IL21R: variants seen among roughly 807,000 people sequenced by gnomAD.
The protein encoded by IL21R is interleukin-21 receptor.
A neutral mutation model predicts 41.3 loss-of-function variants in IL21R; 14 were observed. That is an observed-to-expected ratio of 0.34 (90% confidence interval 0.22 to 0.53). The LOEUF is 0.53. IL21R is among the 20% of genes least tolerant of loss of function. The probability of loss-of-function intolerance (pLI) is 0.94; values close to 1 mark genes in which losing one functional copy is unlikely to be tolerated. For missense variants in IL21R, 588 were observed against 681.6 expected, an observed-to-expected ratio of 0.86 and a Z score of 1.53; for synonymous variants, 286 against 287.6, an observed-to-expected ratio of 0.99 and a Z score of 0.05.
rs755471412 is a variant in IL21R, at chr16:27,449,247, T to C, written c.1581T>C (p.Pro527=). The C allele has an allele frequency of 1.9e-6, 3 of 1,609,400 alleles. No individual in the cohort carries two copies. The highest frequency in any genetic ancestry group is 3.3e-5 in the Admixed American group (2 of 59,772). Residue 527 remains proline, a synonymous_variant, in exon 9 of 9, where the codon CCT becomes CCC. Coordinates refer to ENST00000337929, the MANE Select transcript of IL21R (RefSeq NM_181078.3). The stretch of plus-strand genomic sequence containing the variant: ...ACCTCCGCCAGTGGGTGGTCATTCC[T>C]CCGCCACTTTCGAGCCCTGGACCCC... ...RSYLRQWVVI[P]PPLSSPGPQA... is the part of the protein sequence containing the mutation.
At chr16:27,421,265 C>G (rs986510086) in intron 1 of IL21R, among the ~76,000 whole-genome samples, 1 of 137,782 alleles carries the variant, frequency 7.3e-6, no homozygotes, top group Non-Finnish European at 1.5e-5. Context: ...TGTTCTTTCT[C>G]AAAACCTTTT....
chr16:27,405,397 A>G (rs1313310285), intron 1 of IL21R, among the ~76,000 whole-genome samples: 3 of 152,184 alleles, frequency 2.0e-5, no homozygotes, highest in Non-Finnish European at 2.9e-5. Flanking sequence ...AAAAAAAATA[A>G]TAAATATTAT....
At chr16:27,420,742 T>C (rs1413739564) in intron 1 of IL21R, among the ~76,000 whole-genome samples, 5 of 152,258 alleles carry the variant, frequency 3.3e-5, no homozygotes, top group Admixed American at 2.6e-4. Flanking sequence ...ATGCTTTTTT[T>C]CCCATGCTGT....
At position 27,411,710 on chromosome 16, in the gene IL21R, C is replaced by T. The variant is rs146247042; in HGVS notation, c.-17+9092C>T. 2.5e-3 allele frequency among the ~76,000 whole-genome samples: 384 copies of T among 152,070 alleles called. 9 individuals are homozygous for T. In the East Asian group the frequency reaches 0.063, roughly 25 times the overall value. ...AACTCCTGACCTCAGGTGATTCGCCCGCCTCGGCCTCCCAAAATGCTGGGA... is the reference window on the plus strand; with the variant it reads ...AACTCCTGACCTCAGGTGATTCGCCTGCCTCGGCCTCCCAAAATGCTGGGA... On this transcript the variant is annotated intron_variant, in intron 1 of 8. Coordinates refer to ENST00000337929, the MANE Select transcript of IL21R (RefSeq NM_181078.3).
chr16:27,420,190 C>T (rs974123929), intron 1 of IL21R, among the ~76,000 whole-genome samples: 1 of 152,164 alleles, frequency 6.6e-6, no homozygotes, highest in Non-Finnish European at 1.5e-5. Flanking sequence ...GCACCTAGCC[C>T]TGCATATGCT....
chr16:27,409,402 T>C (rs992397023), intron 1 of IL21R, among the ~76,000 whole-genome samples: 3 of 151,832 alleles, frequency 2.0e-5, no homozygotes, highest in Non-Finnish European at 2.9e-5. Flanking sequence ...TCTTTCTTTA[T>C]GACCAGAACT....
At position 27,405,308 on chromosome 16, in the gene IL21R, T is replaced by C. The variant is rs567294425; in HGVS notation, c.-17+2690T>C. Reference sequence around the variant, plus strand: ...TCAGTCTCCCAAAGTGCTGGGATTATAGACATGAGCCACCGTGACCGGCCT... The same window carrying C: ...TCAGTCTCCCAAAGTGCTGGGATTACAGACATGAGCCACCGTGACCGGCCT... On this transcript the variant is annotated intron_variant, in intron 1 of 8. Transcript: ENST00000337929. Among the ~76,000 whole-genome samples the C allele has an allele frequency of 3.3e-5, 5 of 152,280 alleles. No individual in the cohort carries two copies. In the South Asian group the frequency reaches 8.3e-4, roughly 25 times the overall value.
At chr16:27,415,364 C>T (rs1206600691) in intron 1 of IL21R, among the ~76,000 whole-genome samples, 1 of 152,150 alleles carries the variant, frequency 6.6e-6, no homozygotes, top group Non-Finnish European at 1.5e-5. Flanking sequence ...GGAGATTAAA[C>T]GTGGCTTTAC....
intron 1 of IL21R, among the ~76,000 whole-genome samples, chr16:27,428,340 G>A (rs1053090714): frequency 5.3e-5 from 8 of 152,228 alleles, no homozygotes; most frequent in African/African-American, 1.9e-4. Context: ...TGATGGCTCT[G>A]TGAGGGAGGT....
rs3093411 is a variant in IL21R at position 27,450,153 on chromosome 16, C to T, written c.*870C>T. ...AGCCTGGGCACCCGCGGGGCCGTCCCGCCTGCAGAGGGCCACTCGGGGGGG... is the reference window on the plus strand; with the variant it reads ...AGCCTGGGCACCCGCGGGGCCGTCCTGCCTGCAGAGGGCCACTCGGGGGGG... On this transcript the variant is annotated 3_prime_UTR_variant, in exon 9 of 9. Coordinates refer to ENST00000337929, the MANE Select transcript of IL21R (RefSeq NM_181078.3). The T allele has an allele frequency of 1.4e-3, 321 of 232,994 alleles. No individual in the cohort carries two copies. Among genetic ancestry groups the T allele is most frequent in the Middle Eastern group, 2.5e-3 (2 of 786 alleles). 14.4% of individuals were successfully genotyped at this position (232,994 alleles called of 1,614,324 possible).
intron 1 of IL21R, among the ~76,000 whole-genome samples, chr16:27,429,069 C>T (rs1405110128): frequency 6.6e-6 from 1 of 151,958 alleles, no homozygotes; most frequent in Non-Finnish European, 1.5e-5. Flanking sequence ...ACTAAAAATA[C>T]AAAAATTAGC....
At chr16:27,444,461 G>A (rs928868531) in intron 5 of IL21R, 81 bp from the exon 6 acceptor site, 22 of 976,362 alleles carry the variant, frequency 2.3e-5, no homozygotes, top group Non-Finnish European at 3.1e-5. Flanking sequence ...GATGGAAGCT[G>A]GGAAAAGAGG....
intron 2 of IL21R, among the ~76,000 whole-genome samples, chr16:27,432,110 G>A (rs1474583631): frequency 1.3e-5 from 2 of 152,184 alleles, no homozygotes; most frequent in Non-Finnish European, 2.9e-5. Flanking sequence ...TCATCTCCTA[G>A]AGTCCCCACC....
intron 1 of IL21R, among the ~76,000 whole-genome samples, chr16:27,407,405 G>T (rs555018786): frequency 1.3e-5 from 2 of 152,322 alleles, no homozygotes; most frequent in East Asian, 3.9e-4. Flanking sequence ...TTGCCTCTTT[G>T]AAGAGGCAAC....
chr16:27,439,051 G>A lies in IL21R; in HGVS notation c.352+1364G>A, dbSNP rs58676500. On this transcript the variant is annotated intron_variant, in intron 4 of 8. Transcript: ENST00000337929. ...GCCCATGAGCTCGGGAGTTTCTGCC[G>A]CTAGATTCCCAGCAGAGGGGCTGGG... Among the ~76,000 whole-genome samples, 763 of 152,246 alleles carry A rather than the reference G, an allele frequency of 5.0e-3. 5 individuals carry two copies. The highest frequency in any genetic ancestry group is 0.018 in the African/African-American group (728 of 41,550).
intron 3 of IL21R, among the ~76,000 whole-genome samples, chr16:27,435,050 C>T (rs1161281304): frequency 1.3e-5 from 2 of 152,082 alleles, no homozygotes; most frequent in Admixed American, 6.6e-5. Context: ...ATCACTTGAG[C>T]CCAGGAGTTT....
chr16:27,407,826 A>G (rs765873782), intron 1 of IL21R, among the ~76,000 whole-genome samples: 7 of 152,220 alleles, frequency 4.6e-5, no homozygotes, highest in Non-Finnish European at 1.0e-4. Flanking sequence ...CTCCATCTCA[A>G]AAACAAAACA....
chr16:27,445,424 G>A, intron 7 of IL21R, 148 bp downstream of exon 7: 1 of 648,964 alleles, frequency 1.5e-6, no homozygotes, highest in Non-Finnish European at 2.8e-6. Context: ...CCATGTGCTG[G>A]ACACTGTGGA....
At position 27,430,136 on chromosome 16, in the gene IL21R, G is replaced by A. The variant is rs770389580; in HGVS notation, c.49+16G>A. ...CTCCAGGGAGGTAAGTGGCTGCCCC[G>A]TGGTCTGCGGGTGGGGAGGGCCCCC... On this transcript the variant is annotated intron_variant, in intron 2 of 8. Coordinates refer to ENST00000337929, the MANE Select transcript of IL21R (RefSeq NM_181078.3). 6.9e-6 allele frequency: 11 copies of A among 1,600,398 alleles called. No homozygotes were observed. Among genetic ancestry groups the A allele is most frequent in the African/African-American group, 6.7e-5 (5 of 74,914 alleles).
Sources: gnomAD v4.1 joint callset for allele counts (sites outside exome capture counted in the v4.1 genomes callset) on GRCh38, gnomAD v4.1.1 for gene constraint, MANE v1.5 for transcripts, NCBI Gene and HGNC (gene_info 2026-07-23, HGNC 2026-07-21) for gene names.